The following MFF variants were observed in gnomAD, a reference collection of about 807,000 sequenced individuals.
MFF encodes mitochondrial fission factor.
A neutral mutation model predicts 36.9 loss-of-function variants in MFF; 12 were observed. That is an observed-to-expected ratio of 0.33 (90% confidence interval 0.21 to 0.53). MFF has a LOEUF of 0.53. MFF is among the 20% of genes least tolerant of loss of function. MFF has a pLI of 0.95. For missense variants in MFF, 348 were observed against 366.6 expected (o/e 0.95, Z 0.42); for synonymous variants, 99 against 126.2 (o/e 0.78, Z 1.44).
chr2:227,332,128 C>T (rs866465964), intron 3 of MFF, among the ~76,000 whole-genome samples: 75 of 139,752 alleles, frequency 5.4e-4, no homozygotes, highest in Non-Finnish European at 8.7e-4. Flanking sequence ...CCCGCCACTA[C>T]GCCCGGCTAA....
At chr2:227,329,943 A>T in intron 2 of MFF, 1 of 495,904 alleles carries the variant, frequency 2.0e-6, no homozygotes, top group Non-Finnish European at 3.6e-6. Flanking sequence ...AACACATGTA[A>T]ATATGATATT....
intron 7 of MFF, among the ~76,000 whole-genome samples, chr2:227,353,203 A>G (rs958764116): frequency 3.3e-5 from 5 of 152,214 alleles, no homozygotes; most frequent in Admixed American, 3.3e-4. Flanking sequence ...GGCTGGCAGA[A>G]TGGCACATAC....
intron 3 of MFF, among the ~76,000 whole-genome samples, 155 bp from the exon 4 acceptor site, chr2:227,332,264 G>A (rs577266125): frequency 1.3e-5 from 2 of 152,142 alleles, no homozygotes; most frequent in Admixed American, 6.5e-5. Flanking sequence ...GAGCCACCGC[G>A]CCCGGCCTGG....
chr2:227,352,637 A>T, intron 7 of MFF, 64 bp downstream of exon 7: 2 of 1,291,954 alleles, frequency 1.5e-6, no homozygotes, highest in Middle Eastern at 2.0e-4. Context: ...GTTGCAGGGC[A>T]TGTTGCATGT....
chr2:227,349,272 T>A (rs1368049181), intron 6 of MFF, among the ~76,000 whole-genome samples: 1 of 152,106 alleles, frequency 6.6e-6, no homozygotes, highest in Admixed American at 6.5e-5. Flanking sequence ...ATATGGATTT[T>A]TTCCTCCATA....
intron 5 of MFF, among the ~76,000 whole-genome samples, chr2:227,345,048 T>C (rs944660995): frequency 1.6e-4 from 25 of 152,192 alleles, no homozygotes; most frequent in Non-Finnish European, 2.9e-5. Context: ...ATCTTATAGA[T>C]TGTTTTAGAA....
chr2:227,332,342 A>G lies in MFF; in HGVS notation c.182-77A>G, dbSNP rs542566681. Reference sequence around the variant, plus strand: ...TTCAAAAGCAGAAGAAGGTAAATACATTTTAACAAAAATCACTGTCTTTTT... The same window carrying G: ...TTCAAAAGCAGAAGAAGGTAAATACGTTTTAACAAAAATCACTGTCTTTTT... On this transcript the variant is annotated intron_variant, in intron 3 of 8. Coordinates refer to ENST00000304593, the MANE Select transcript of MFF (RefSeq NM_001277062.2). The G allele has an allele frequency of 1.4e-4, 154 of 1,118,084 alleles. 1 individual carries two copies. The African/African-American group carries it at 2.2e-3, about 16-fold the overall frequency. 69.3% of individuals were successfully genotyped at this position (1,118,084 alleles called of 1,614,324 possible).
chr2:227,335,578 C>T (rs1262175664), intron 4 of MFF, among the ~76,000 whole-genome samples: 2 of 152,154 alleles, frequency 1.3e-5, no homozygotes, highest in Admixed American at 1.3e-4. Flanking sequence ...AGGGCAAGAT[C>T]ACCCCCTACT....
chr2:227,332,915 C>A (rs967633015), intron 4 of MFF, among the ~76,000 whole-genome samples: 4 of 152,154 alleles, frequency 2.6e-5, no homozygotes, highest in Non-Finnish European at 5.9e-5. Context: ...AAATGTATCA[C>A]TTTGTTATAA....
chr2:227,340,271 C>CCT, intron 4 of MFF, 21 bp from the exon 5 acceptor site: 1 of 1,578,046 alleles, frequency 6.3e-7, no homozygotes, highest in Middle Eastern at 1.7e-4. Context: ...TATTTCCTTC[C>CCT]CTCTCTTTGT....
intron 6 of MFF, among the ~76,000 whole-genome samples, chr2:227,348,003 A>G (rs1425411049): frequency 6.6e-6 from 1 of 151,900 alleles, no homozygotes. Context: ...ATTTTTTTGC[A>G]GTTATCTCAA....
chr2:227,346,042 T>C (rs1382263168), intron 5 of MFF, among the ~76,000 whole-genome samples: 1 of 152,172 alleles, frequency 6.6e-6, no homozygotes, highest in African/African-American at 2.4e-5. Context: ...GTGGAGGAGA[T>C]TTTGTTTTTT....
At position 227,330,608 on chromosome 2, in the gene MFF, T is replaced by G. The variant is rs1353379563; in HGVS notation, c.-40-18T>G. 1.9e-6 allele frequency: 3 copies of G among 1,594,984 alleles called. No homozygotes were observed. Among genetic ancestry groups the G allele is most frequent in the African/African-American group, 1.3e-5 (1 of 74,632 alleles). ...ACATTTTAACAGTCAGCCCTGTCTTTAAATTTTTCTCCCACAGGGTGAGCA... is the reference window on the plus strand; with the variant it reads ...ACATTTTAACAGTCAGCCCTGTCTTGAAATTTTTCTCCCACAGGGTGAGCA... On this transcript the variant is annotated intron_variant, in intron 2 of 8. Coordinates refer to ENST00000304593, the MANE Select transcript of MFF (RefSeq NM_001277062.2).
chr2:227,330,679 G>C lies in MFF; in HGVS notation c.14G>C (p.Ser5Thr), dbSNP rs1458394939. 1 of 1,614,140 alleles carries C rather than the reference G, an allele frequency of 6.2e-7. No individual in the cohort carries two copies. Among genetic ancestry groups the C allele is most frequent in the Admixed American group, 1.7e-5 (1 of 60,030 alleles). The change falls in exon 3 of 9, where the codon AGT becomes ACT. Residue 5 changes from serine (S) to threonine (T), a missense_variant. Coordinates refer to ENST00000304593, the MANE Select transcript of MFF (RefSeq NM_001277062.2). The stretch of plus-strand genomic sequence containing the variant: ...ACTGCTGCTGAGATGGCAGAAATTA[G>C]TCGAATTCAGTACGAAATGGAATAT... MAEI[S>T]RIQYEMEYTE...
At chr2:227,339,551 C>T (rs4673191) in intron 4 of MFF, among the ~76,000 whole-genome samples, 106,156 of 152,062 alleles carry the variant, frequency 0.7, 38,923 homozygotes, top group South Asian at 0.84. Flanking sequence ...TACACATGGC[C>T]TCACTGTGTG....
intron 6 of MFF, among the ~76,000 whole-genome samples, chr2:227,349,609 G>A (rs1021970700): frequency 2.0e-5 from 3 of 152,026 alleles, no homozygotes; most frequent in African/African-American, 7.2e-5. Context: ...AGTATTGAAA[G>A]GATTTTTTAA....
intron 6 of MFF, among the ~76,000 whole-genome samples, chr2:227,350,005 TC>T (rs1470442074): frequency 1.3e-5 from 2 of 152,148 alleles, no homozygotes; most frequent in East Asian, 3.8e-4. Flanking sequence ...GATTCACAAT[TC>T]CTTGACATAA....
intron 2 of MFF, chr2:227,329,497 A>G: frequency 2.6e-6 from 1 of 378,874 alleles, no homozygotes; most frequent in Non-Finnish European, 4.8e-6. Flanking sequence ...TCAAGCCCTA[A>G]GCCATGTTCA....
At chr2:227,354,207 C>T (rs2076146680) in intron 7 of MFF, among the ~76,000 whole-genome samples, 2 of 152,110 alleles carry the variant, frequency 1.3e-5, no homozygotes, top group South Asian at 4.1e-4. Flanking sequence ...AGGTTTTTTG[C>T]ATACTTTATT....
Sources: allele counts gnomAD v4.1 joint callset (sites outside exome capture counted in the v4.1 genomes callset), GRCh38; gene constraint gnomAD v4.1.1; transcripts MANE v1.5; gene names NCBI Gene and HGNC (gene_info 2026-07-23, HGNC 2026-07-21).